PKNOX2: variants seen among roughly 807,000 people sequenced by gnomAD.
PKNOX2 encodes the protein PBX/knotted 1 homeobox 2, also known as homeobox protein PKNOX2.
Under a neutral mutation model 53.1 loss-of-function variants are expected in PKNOX2, and 14 were observed. That is an observed-to-expected ratio of 0.26 (90% CI 0.17 to 0.41). The LOEUF (loss-of-function observed/expected upper bound fraction) is 0.41, where lower values mean the gene tolerates loss of function less well. Among genes scored for constraint, PKNOX2 ranks in the 10% least tolerant of loss-of-function variants. The pLI is 1.00. For synonymous variants in PKNOX2, 257 were observed against 242.8 expected, an observed-to-expected ratio of 1.06 and a Z score of -0.54; for missense variants, 496 against 602.8, an observed-to-expected ratio of 0.82 and a Z score of 1.85.
chr11:125,358,658 A>G (rs1006231143), intron 4 of PKNOX2, among the ~76,000 whole-genome samples: 3 of 152,228 alleles, frequency 2.0e-5, no homozygotes, highest in African/African-American at 7.2e-5. Flanking sequence ...CTGTTCCAAG[A>G]GCCTCTTTGA....
At chr11:125,355,673 C>A (rs1224876234) in intron 4 of PKNOX2, among the ~76,000 whole-genome samples, 1 of 152,082 alleles carries the variant, frequency 6.6e-6, no homozygotes, top group Non-Finnish European at 1.5e-5. Context: ...ACTTTCACAG[C>A]CCCCTCCTCC....
chr11:125,343,157 G>GAGGT (rs1462697047), intron 3 of PKNOX2, among the ~76,000 whole-genome samples: 1 of 152,148 alleles, frequency 6.6e-6, no homozygotes, highest in Non-Finnish European at 1.5e-5. Flanking sequence ...TGGAATGGGA[G>GAGGT]AGGTACCCTA....
At chr11:125,397,424 C>T (rs115249036) in intron 6 of PKNOX2, among the ~76,000 whole-genome samples, 4,798 of 152,302 alleles carry the variant, frequency 0.032, 206 homozygotes, top group African/African-American at 0.09. Flanking sequence ...ACCATGTATA[C>T]GCCCTCATAC....
chr11:125,301,873 C>T (rs182818779), intron 2 of PKNOX2, among the ~76,000 whole-genome samples: 33 of 152,290 alleles, frequency 2.2e-4, no homozygotes, highest in East Asian at 1.4e-3. Context: ...CCAGGGAAAG[C>T]GTGCTCTTAT....
At chr11:125,411,509 T>TCTCTCTCTCCCC (rs1491258659) in intron 9 of PKNOX2, 8 of 316,764 alleles carry the variant, frequency 2.5e-5, no homozygotes, top group Admixed American at 4.2e-5. Context: ...TCTCTCTCTC[T>TCTCTCTCTCCCC]CCCCCCCTTC....
chr11:125,263,080 G>A (rs1945006972), intron 2 of PKNOX2, among the ~76,000 whole-genome samples: 1 of 152,196 alleles, frequency 6.6e-6, no homozygotes, highest in Non-Finnish European at 1.5e-5. Context: ...GTGGTGTGGT[G>A]CTTCTAGACT....
At position 125,339,653 on chromosome 11, in the gene PKNOX2, C is replaced by T. The variant is rs78576063; in HGVS notation, c.-23+7728C>T. On this transcript the variant is annotated intron_variant, in intron 3 of 12. Coordinates refer to ENST00000298282, the MANE Select transcript of PKNOX2 (RefSeq NM_001382323.2). ...TGGGCCCCAGCAGGGCCCCTCAGTC[C>T]AGTATGACAAGACAGAGACACTGAC... is the stretch of plus-strand genomic sequence containing the variant. Among the ~76,000 whole-genome samples the T allele has an allele frequency of 4.4e-3, 666 of 152,290 alleles. 3 individuals are homozygous for T. Among genetic ancestry groups the T allele is most frequent in the African/African-American group, 0.015 (630 of 41,562 alleles).
At chr11:125,354,042 C>T (rs959971478) in intron 4 of PKNOX2, among the ~76,000 whole-genome samples, 10 of 152,168 alleles carry the variant, frequency 6.6e-5, no homozygotes, top group African/African-American at 1.9e-4. Flanking sequence ...CCCACTCTTT[C>T]GGGCTTCTAG....
intron 1 of PKNOX2, among the ~76,000 whole-genome samples, chr11:125,209,552 A>G (rs1273311463): frequency 6.6e-6 from 1 of 151,986 alleles, no homozygotes; most frequent in Non-Finnish European, 1.5e-5. Flanking sequence ...ATGCTCAGGA[A>G]GAAGGAAAGA....
intron 2 of PKNOX2, among the ~76,000 whole-genome samples, chr11:125,254,391 AC>A (rs1236212729): frequency 6.6e-6 from 1 of 152,006 alleles, no homozygotes; most frequent in African/African-American, 2.4e-5. Context: ...CTCCCTCCTC[AC>A]CCAGTGGGAT....
In PKNOX2 at chr11:125,411,617, C is replaced by A. The variant is rs550027565; in HGVS notation, c.817-129C>A. On this transcript the variant is annotated intron_variant, in intron 9 of 12. Coordinates refer to ENST00000298282, the MANE Select transcript of PKNOX2 (RefSeq NM_001382323.2). The stretch of plus-strand genomic sequence containing the variant: ...GCATGGGCTGAGAGGGAAAGGTGAC[C>A]TCCCCAGGGCCCTAGGAATGAGCCG... 24 of 1,482,682 alleles carry A rather than the reference C, an allele frequency of 1.6e-5. No homozygotes were observed. In the South Asian group the frequency reaches 2.1e-4, roughly 13 times the overall value. 91.8% of individuals were successfully genotyped at this position (1,482,682 alleles called of 1,614,324 possible).
At chr11:125,353,325 C>T (rs1018000097) in intron 4 of PKNOX2, among the ~76,000 whole-genome samples, 1 of 152,220 alleles carries the variant, frequency 6.6e-6, no homozygotes, top group Non-Finnish European at 1.5e-5. Context: ...CCCACCCCTC[C>T]CTGTTTTGAC....
rs1951354719 is a variant in PKNOX2 at position 125,352,044 on chromosome 11, C to T, written c.87+652C>T. 6.6e-6 allele frequency among the ~76,000 whole-genome samples: 1 copy of T among 152,152 alleles called. No individual in the cohort carries two copies. The highest frequency in any genetic ancestry group is 2.1e-4 in the South Asian group (1 of 4,818). The stretch of plus-strand genomic sequence containing the variant: ...ATTGCCTCTCCTGCAACATGCCCCT[C>T]CTCAGCAGTGCCTTCTGGCTGTCTT... On this transcript the variant is annotated intron_variant, in intron 4 of 12. Transcript: ENST00000298282. This position sits in a 1 kb window ranked among gnomAD's most constrained non-coding sequence, Gnocchi z 4.1.
chr11:125,180,414 G>A (rs1236411894), intron 1 of PKNOX2, among the ~76,000 whole-genome samples: 2 of 152,152 alleles, frequency 1.3e-5, no homozygotes, highest in Non-Finnish European at 2.9e-5. Flanking sequence ...GCTGTTTGTT[G>A]GTGAAATGAT....
chr11:125,231,168 A>G (rs528958119), intron 1 of PKNOX2, among the ~76,000 whole-genome samples: 1 of 152,072 alleles, frequency 6.6e-6, no homozygotes, highest in African/African-American at 2.4e-5. Flanking sequence ...TGTCTGGCTG[A>G]CCCCCCGGTC....
intron 6 of PKNOX2, among the ~76,000 whole-genome samples, chr11:125,388,367 C>T (rs1953793913): frequency 6.6e-6 from 1 of 152,156 alleles, no homozygotes; most frequent in African/African-American, 2.4e-5. Context: ...ACACGTAGCC[C>T]AACGGACTGT....
Position 125,368,546 on chromosome 11 carries a change from G to A in PKNOX2, c.227+561G>A, listed in dbSNP as rs539313067. ...GGTGAATCTGATGCAGCTGGTTATT[G>A]GACCACACTTGGATTCATGGTAGTC... On this transcript the variant is annotated intron_variant, in intron 5 of 12. Coordinates refer to ENST00000298282, the MANE Select transcript of PKNOX2 (RefSeq NM_001382323.2). Among the ~76,000 whole-genome samples the A allele has an allele frequency of 3.3e-5, 5 of 152,308 alleles. No homozygotes were observed. In the South Asian group the frequency reaches 1.0e-3, roughly 32 times the overall value.
At chr11:125,229,263 C>T (rs890924819) in intron 1 of PKNOX2, among the ~76,000 whole-genome samples, 12 of 152,040 alleles carry the variant, frequency 7.9e-5, no homozygotes, top group Non-Finnish European at 1.2e-4. Flanking sequence ...GGCCCCGTGA[C>T]GGGGGAGACT....
At chr11:125,344,689 C>G (rs1950881040) in intron 3 of PKNOX2, among the ~76,000 whole-genome samples, 1 of 152,184 alleles carries the variant, frequency 6.6e-6, no homozygotes, top group Admixed American at 6.5e-5. Flanking sequence ...GCCAAAGCGT[C>G]TGCTTGTCTT....
Sources: gnomAD v4.1 joint callset for allele counts (sites outside exome capture counted in the v4.1 genomes callset) on GRCh38, gnomAD v4.1.1 for gene constraint, Gnocchi (gnomAD v3.1) non-coding constraint, MANE v1.5 for transcripts, NCBI Gene and HGNC (gene_info 2026-07-23, HGNC 2026-07-21) for gene names.